GTF2F2: variants seen among roughly 807,000 people sequenced by gnomAD.
GTF2F2 encodes the protein ATP-dependent helicase GTF2F2.
GTF2F2 carries 23 observed loss-of-function variants against 42.2 expected under a neutral mutation model. That is an observed-to-expected ratio of 0.55 (90% CI 0.39 to 0.77). GTF2F2 has a LOEUF of 0.77. Among genes scored for constraint, GTF2F2 ranks in the 30% least tolerant of loss-of-function variants. The pLI, the probability that GTF2F2 is intolerant of heterozygous loss-of-function variation, is 0.00. For synonymous variants in GTF2F2, 105 were observed against 100.8 expected, an observed-to-expected ratio of 1.04 and a Z score of -0.25; for missense variants, 261 against 287.2, an observed-to-expected ratio of 0.91 and a Z score of 0.66.
intron 5 of GTF2F2, among the ~76,000 whole-genome samples, chr13:45,249,492 T>C (rs1384394274): frequency 6.6e-6 from 1 of 152,134 alleles, no homozygotes; most frequent in East Asian, 1.9e-4. Flanking sequence ...GAATTAAAAT[T>C]GAAAGGAAAG....
At chr13:45,182,658 A>G (rs893922235) in intron 4 of GTF2F2, among the ~76,000 whole-genome samples, 5 of 152,080 alleles carry the variant, frequency 3.3e-5, no homozygotes, top group African/African-American at 4.8e-5. Context: ...GCTTAAAGGT[A>G]GTCTACTTTT....
chr13:45,196,897 C>T (rs1210946831), intron 4 of GTF2F2, among the ~76,000 whole-genome samples: 1 of 152,096 alleles, frequency 6.6e-6, no homozygotes, highest in Non-Finnish European at 1.5e-5. Context: ...CCAGGGCCAC[C>T]TTACACTTCC....
intron 5 of GTF2F2, among the ~76,000 whole-genome samples, chr13:45,233,961 A>G (rs188437087): frequency 2.6e-5 from 4 of 152,318 alleles, no homozygotes; most frequent in Middle Eastern, 3.4e-3. Context: ...GAAAAAAATA[A>G]TATAGGAGTT....
At chr13:45,229,368 G>T (rs1056515575) in intron 5 of GTF2F2, among the ~76,000 whole-genome samples, 3 of 151,852 alleles carry the variant, frequency 2.0e-5, no homozygotes, top group African/African-American at 7.3e-5. Flanking sequence ...CTCCGGAAAA[G>T]CCTCCCTATC....
chr13:45,225,894 C>T (rs776957065), intron 5 of GTF2F2, among the ~76,000 whole-genome samples: 1 of 152,006 alleles, frequency 6.6e-6, no homozygotes. Flanking sequence ...TTGTTTGTTA[C>T]AGGAAGTTCA....
At chr13:45,165,352 A>G (rs928143253) in intron 4 of GTF2F2, among the ~76,000 whole-genome samples, 2 of 147,392 alleles carry the variant, frequency 1.4e-5, no homozygotes, top group African/African-American at 2.5e-5. Flanking sequence ...CTTTGAGACA[A>G]AGTCTTGCTC....
intron 4 of GTF2F2, among the ~76,000 whole-genome samples, chr13:45,167,738 C>T (rs902578600): frequency 4.6e-5 from 7 of 152,130 alleles, no homozygotes; most frequent in African/African-American, 1.7e-4. Flanking sequence ...AATAGGCTTT[C>T]ACCATGTTGG....
chr13:45,202,680 C>T (rs956271242), intron 4 of GTF2F2, among the ~76,000 whole-genome samples: 5 of 151,444 alleles, frequency 3.3e-5, no homozygotes, highest in African/African-American at 4.9e-5. Flanking sequence ...TGGCTGGGCA[C>T]GGTGGCTCAC....
chr13:45,212,376 C>A (rs1049633063), intron 5 of GTF2F2, among the ~76,000 whole-genome samples: 1 of 152,148 alleles, frequency 6.6e-6, no homozygotes, highest in South Asian at 2.1e-4. Flanking sequence ...GGCACTTGCC[C>A]ATATTATGCC....
chr13:45,211,537 G>A (rs1316446047), intron 5 of GTF2F2, among the ~76,000 whole-genome samples: 1 of 150,786 alleles, frequency 6.6e-6, no homozygotes, highest in African/African-American at 2.4e-5. Flanking sequence ...CCAAAGTGCT[G>A]GGATTATAGG....
chr13:45,250,511 T>C (rs1213098467), intron 5 of GTF2F2, among the ~76,000 whole-genome samples: 1 of 152,226 alleles, frequency 6.6e-6, no homozygotes, highest in Non-Finnish European at 1.5e-5. Context: ...ATTAAATGCT[T>C]GTCTTCCACT....
rs554598513 is a variant in GTF2F2 at position 45,237,624 on chromosome 13, A to C, written c.387-15247A>C. On this transcript the variant is annotated intron_variant, in intron 5 of 7. Coordinates refer to ENST00000340473, the MANE Select transcript of GTF2F2 (RefSeq NM_004128.3). Reference sequence around the variant, plus strand: ...AGCACCAAAGGACTAAAGAAGTTGAATAACTTGACCAAGGTCACACCTAGG... The same window carrying C: ...AGCACCAAAGGACTAAAGAAGTTGACTAACTTGACCAAGGTCACACCTAGG... Among the ~76,000 whole-genome samples the C allele has an allele frequency of 3.9e-5, 6 of 152,354 alleles. No individual in the cohort carries two copies. In the East Asian group the frequency reaches 1.2e-3, roughly 29 times the overall value.
chr13:45,168,840 C>T (rs1871438585), intron 4 of GTF2F2, among the ~76,000 whole-genome samples: 1 of 145,794 alleles, frequency 6.9e-6, no homozygotes, highest in Admixed American at 6.9e-5. Context: ...TCCCTCTTTC[C>T]TTCCCTCCCT....
At chr13:45,157,125 T>C (rs1870799739) in intron 4 of GTF2F2, among the ~76,000 whole-genome samples, 1 of 152,016 alleles carries the variant, frequency 6.6e-6, no homozygotes, top group African/African-American at 2.4e-5. Context: ...GCAAAAGGGG[T>C]AGCCATGTGG....
chr13:45,247,203 A>G (rs1268951432), intron 5 of GTF2F2, among the ~76,000 whole-genome samples: 1 of 151,442 alleles, frequency 6.6e-6, no homozygotes, highest in Non-Finnish European at 1.5e-5. Context: ...TACAAAAAAT[A>G]AAATAAAAAT....
intron 1 of GTF2F2, among the ~76,000 whole-genome samples, chr13:45,125,294 C>T (rs1398128862): frequency 4.6e-5 from 7 of 151,782 alleles, no homozygotes; most frequent in Admixed American, 4.6e-4. Context: ...TTCCCCTTTG[C>T]GTCTCTCTGT....
At chr13:45,242,861 A>G (rs1351225371) in intron 5 of GTF2F2, among the ~76,000 whole-genome samples, 1 of 152,224 alleles carries the variant, frequency 6.6e-6, no homozygotes, top group Non-Finnish European at 1.5e-5. Flanking sequence ...TAAAACTTAC[A>G]GATTTCTCTT....
At chr13:45,149,995 C>A (rs576372915) in intron 3 of GTF2F2, among the ~76,000 whole-genome samples, 1 of 152,244 alleles carries the variant, frequency 6.6e-6, no homozygotes, top group East Asian at 1.9e-4. Context: ...CTTCTTTGAC[C>A]TACATTTCCC....
intron 4 of GTF2F2, among the ~76,000 whole-genome samples, chr13:45,197,600 G>C (rs1007517844): frequency 6.6e-6 from 1 of 151,948 alleles, no homozygotes; most frequent in African/African-American, 2.4e-5. Flanking sequence ...TGTAGTTCAT[G>C]GAAATTATAG....
Sources: gnomAD v4.1 joint callset for allele counts (sites outside exome capture counted in the v4.1 genomes callset) on GRCh38, gnomAD v4.1.1 for gene constraint, MANE v1.5 for transcripts, NCBI Gene and HGNC (gene_info 2026-07-23, HGNC 2026-07-21) for gene names.